NTRK3: variants seen among roughly 807,000 people sequenced by gnomAD.
The protein encoded by NTRK3 is neurotrophic receptor tyrosine kinase 3.
A neutral mutation model predicts 91.7 loss-of-function variants in NTRK3; 24 were observed. The ratio of observed to expected loss-of-function variants is 0.26; its 90% CI spans 0.19 to 0.37. NTRK3 has a LOEUF of 0.37. Among genes scored for constraint, NTRK3 ranks in the 10% least tolerant of loss-of-function variants. The probability of loss-of-function intolerance (pLI) is 1.00; values close to 1 mark genes in which losing one functional copy is unlikely to be tolerated. For synonymous variants in NTRK3, 483 were observed against 404.0 expected, an observed-to-expected ratio of 1.20 and a Z score of -2.34; for missense variants, 880 against 1,068.9, an observed-to-expected ratio of 0.82 and a Z score of 2.46.
chr15:88,084,903 C>T (rs1195219348), intron 13 of NTRK3, among the ~76,000 whole-genome samples: 2 of 152,172 alleles, frequency 1.3e-5, no homozygotes, highest in African/African-American at 2.4e-5. Context: ...CATGTAGAAC[C>T]ATAGTATGTA....
intron 3 of NTRK3, among the ~76,000 whole-genome samples, chr15:88,232,165 G>A (rs138691669): frequency 0.011 from 1,733 of 152,116 alleles, 11 homozygotes; most frequent in Non-Finnish European, 0.019. Flanking sequence ...CCTTCCGCCT[G>A]AAATGTCCTG....
At chr15:87,932,137 A>G (rs902525782) in intron 16 of NTRK3, among the ~76,000 whole-genome samples, 4 of 152,228 alleles carry the variant, frequency 2.6e-5, no homozygotes, top group Non-Finnish European at 5.9e-5. Flanking sequence ...GCCACCCTTG[A>G]AACTTCATCC....
intron 5 of NTRK3, among the ~76,000 whole-genome samples, chr15:88,155,147 G>C (rs530538705): frequency 4.6e-5 from 7 of 152,334 alleles, no homozygotes; most frequent in African/African-American, 1.7e-4. Context: ...AGGTGATTAA[G>C]CATATAGACC....
intron 13 of NTRK3, among the ~76,000 whole-genome samples, chr15:88,035,138 G>A (rs1178910095): frequency 6.6e-6 from 1 of 152,212 alleles, no homozygotes; most frequent in Non-Finnish European, 1.5e-5. Context: ...GAGGAGGAAA[G>A]AGGAAAGAGT....
intron 14 of NTRK3, among the ~76,000 whole-genome samples, chr15:88,032,116 T>C (rs939821168): frequency 6.6e-6 from 1 of 151,948 alleles, no homozygotes; most frequent in Non-Finnish European, 1.5e-5. Context: ...GGGGGTCTGC[T>C]TGGGTGTTGC....
chr15:88,111,005 T>C (rs1390124405), intron 13 of NTRK3, among the ~76,000 whole-genome samples: 1 of 152,152 alleles, frequency 6.6e-6, no homozygotes, highest in Non-Finnish European at 1.5e-5. Flanking sequence ...AAGACTGGGC[T>C]GTGCAAGAGC....
At chr15:88,187,422 G>C (rs200573964) in intron 3 of NTRK3, among the ~76,000 whole-genome samples, 1 of 152,194 alleles carries the variant, frequency 6.6e-6, no homozygotes, top group African/African-American at 2.4e-5. Context: ...ACCCAACCAG[G>C]AGGTCAGTGT....
At position 88,175,503 on chromosome 15, in the gene NTRK3, C is replaced by T. The variant is rs561387429; in HGVS notation, c.395+7915G>A. Among the ~76,000 whole-genome samples, 39 of 152,168 alleles carry T rather than the reference C, an allele frequency of 2.6e-4. 1 individual carries two copies. The highest frequency in any genetic ancestry group is 3.7e-4 in the Non-Finnish European group (25 of 68,006). On this transcript the variant is annotated intron_variant, in intron 5 of 18. Coordinates refer to ENST00000394480, the Ensembl canonical transcript of NTRK3. ...TTGTGAATCAATTTTAGAATACTGA[C>T]GATCAATTTTAGAATATTTTCATCA...
intron 14 of NTRK3, among the ~76,000 whole-genome samples, chr15:88,027,001 G>C (rs1410017378): frequency 6.6e-6 from 1 of 152,146 alleles, no homozygotes; most frequent in Non-Finnish European, 1.5e-5. Context: ...ATACAGGGCT[G>C]TCCTTATCCT....
At chr15:87,981,238 G>C in intron 14 of NTRK3, 2 of 1,588,740 alleles carry the variant, frequency 1.3e-6, no homozygotes, top group Non-Finnish European at 1.7e-6. Flanking sequence ...TGTGACCTTG[G>C]GTAAGACACT....
intron 17 of NTRK3, among the ~76,000 whole-genome samples, chr15:87,913,983 G>C (rs565091964): frequency 1.3e-5 from 2 of 152,286 alleles, no homozygotes; most frequent in East Asian, 3.9e-4. Context: ...TCCCTTCCTG[G>C]CTCTGGACAA....
At chr15:88,250,675 C>A (rs908427220) in intron 3 of NTRK3, among the ~76,000 whole-genome samples, 1 of 152,144 alleles carries the variant, frequency 6.6e-6, no homozygotes, top group African/African-American at 2.4e-5. Flanking sequence ...CAAGAGAGAG[C>A]CAGGGGCTTC....
At chr15:88,105,072 C>T (rs1180418394) in intron 13 of NTRK3, among the ~76,000 whole-genome samples, 7 of 152,190 alleles carry the variant, frequency 4.6e-5, no homozygotes, top group African/African-American at 7.2e-5. Context: ...GCTCTGATTA[C>T]TGAGACTTCA....
At chr15:88,049,693 T>C (rs755540349) in intron 13 of NTRK3, among the ~76,000 whole-genome samples, 18 of 152,236 alleles carry the variant, frequency 1.2e-4, no homozygotes, top group Non-Finnish European at 2.6e-4. Context: ...AATGTGTGAA[T>C]CAGGGGATTC....
At chr15:88,043,168 A>G (rs1379311947) in intron 13 of NTRK3, among the ~76,000 whole-genome samples, 1 of 152,220 alleles carries the variant, frequency 6.6e-6, no homozygotes, top group Non-Finnish European at 1.5e-5. Flanking sequence ...TGTCAAAACA[A>G]GCATCCTGGA....
At chr15:87,904,785 C>A (rs147058302) in intron 17 of NTRK3, among the ~76,000 whole-genome samples, 1 of 152,172 alleles carries the variant, frequency 6.6e-6, no homozygotes, top group Admixed American at 6.5e-5. Context: ...CTCATCTTTA[C>A]CCTGATTCCC....
At chr15:88,163,608 C>G (rs2044664909) in intron 5 of NTRK3, among the ~76,000 whole-genome samples, 1 of 152,176 alleles carries the variant, frequency 6.6e-6, no homozygotes, top group South Asian at 2.1e-4. Flanking sequence ...AGCAAGATAC[C>G]TAGTACAGAG....
rs1258654298 is a variant in NTRK3 at position 88,256,411 on chromosome 15, T to C, written c.-143A>G. The stretch of plus-strand genomic sequence containing the variant: ...GCCTAGTGGCGCGGTCTGCCGGGCA[T>C]GGTGGCCGGCTCGGCGATCGCTGAC... On this transcript the variant is annotated 5_prime_UTR_variant, in exon 2 of 19. It removes an upstream start codon present in the reference 5' UTR. Transcript: ENST00000394480. The C allele has an allele frequency of 5.4e-6, 3 of 558,140 alleles. No homozygotes were observed. Among genetic ancestry groups the C allele is most frequent in the Non-Finnish European group, 9.3e-6 (3 of 322,794 alleles). 34.6% of individuals were successfully genotyped at this position (558,140 alleles called of 1,614,324 possible). A position where few individuals can be genotyped will look rare whatever the true frequency, so the allele number is the denominator to read the frequency against.
chr15:87,892,355 T>A (rs1236493237), intron 17 of NTRK3, among the ~76,000 whole-genome samples: 1 of 152,214 alleles, frequency 6.6e-6, no homozygotes, highest in Admixed American at 6.5e-5. Context: ...TTGAAAGTAA[T>A]TTTTGATAAG....
Sources: allele counts gnomAD v4.1 joint callset (sites outside exome capture counted in the v4.1 genomes callset), GRCh38; gene constraint gnomAD v4.1.1; transcripts MANE v1.5; gene names NCBI Gene and HGNC (gene_info 2026-07-23, HGNC 2026-07-21).